DHRSX: variants seen among roughly 807,000 people sequenced by gnomAD.
DHRSX encodes the protein dehydrogenase/reductase X-linked, also known as polyprenol dehydrogenase.
A neutral mutation model predicts 34.0 loss-of-function variants in DHRSX; 31 were observed. The observed-to-expected ratio is 0.91, with a 90% CI of 0.69 to 1.23. The LOEUF (loss-of-function observed/expected upper bound fraction) is 1.23, where lower values mean the gene tolerates loss of function less well. Ranked by LOEUF, DHRSX falls within the 50% of genes most tolerant of loss-of-function variation. DHRSX has a pLI of 0.00. For missense variants in DHRSX, 414 were observed against 428.1 expected (o/e 0.97, Z 0.29); for synonymous variants, 201 against 183.8 (o/e 1.09, Z -0.76).
In DHRSX at chrX:2,492,764, C is replaced by T. The variant is rs769024812; in HGVS notation, c.109+8053G>A. 4.6e-5 allele frequency among the ~76,000 whole-genome samples: 7 copies of T among 152,320 alleles called. 1 individual carries two copies. The South Asian group carries it at 1.5e-3, about 32-fold the overall frequency. ...TGGGAGAGGCAGGAAGCACCCTCCG[C>T]GTAAGCCTCCGGAGGGAGCGCAGCC... On this transcript the variant is annotated intron_variant, in intron 1 of 6. Transcript: ENST00000334651.
In DHRSX at chrX:2,243,153, A is replaced by C; in HGVS notation, c.674T>G (p.Leu225Arg). Residue 225 changes from leucine (L) to arginine (R), a missense_variant, in exon 6 of 7, where the codon CTG (leucine) becomes CGG (arginine). Coordinates refer to ENST00000334651, the MANE Select transcript of DHRSX (RefSeq NM_145177.3). ...LVLFTYHLQR[L>R]LAAEGSHVTA... ...CACGTGGCTTCCCTCAGCCGCCAGC[A>C]GCCGCTGGAGGTGGTAGGTGAACAG... The C allele has an allele frequency of 6.2e-7, 1 of 1,613,914 alleles. No individual in the cohort carries two copies. Among genetic ancestry groups the C allele is most frequent in the Non-Finnish European group, 8.5e-7 (1 of 1,179,864 alleles).
intron 3 of DHRSX, among the ~76,000 whole-genome samples, chrX:2,292,032 G>A (rs747368742): frequency 1.3e-5 from 2 of 151,016 alleles, no homozygotes; most frequent in African/African-American, 4.9e-5. Flanking sequence ...GAGCCACCAC[G>A]CCTGTCCAGG....
At chrX:2,449,007 G>A (rs1365162319) in intron 1 of DHRSX, among the ~76,000 whole-genome samples, 1 of 152,088 alleles carries the variant, frequency 6.6e-6, no homozygotes, top group Non-Finnish European at 1.5e-5. Flanking sequence ...TGACCAATAT[G>A]CTGAAACCCC....
intron 3 of DHRSX, among the ~76,000 whole-genome samples, chrX:2,292,694 G>A: frequency 6.6e-6 from 1 of 151,162 alleles, no homozygotes. Context: ...TTTGTTACAG[G>A]GCATATGTAA....
At chrX:2,360,420 T>A (rs2042916482) in intron 3 of DHRSX, among the ~76,000 whole-genome samples, 1 of 151,966 alleles carries the variant, frequency 6.6e-6, no homozygotes, top group Admixed American at 6.6e-5. Context: ...CTGTCTCTAC[T>A]AAAAATACAA....
intron 1 of DHRSX, among the ~76,000 whole-genome samples, chrX:2,447,320 G>T (rs2044151669): frequency 6.6e-6 from 1 of 152,064 alleles, no homozygotes. Context: ...TAAGAATGTG[G>T]CTAAGGGACT....
At chrX:2,478,276 C>T (rs1169987923) in intron 1 of DHRSX, among the ~76,000 whole-genome samples, 6 of 151,996 alleles carry the variant, frequency 3.9e-5, no homozygotes, top group African/African-American at 9.7e-5. Context: ...CTGGGATGGG[C>T]GGTGACAGAG....
intron 3 of DHRSX, among the ~76,000 whole-genome samples, chrX:2,311,093 G>C (rs2042159680): frequency 6.6e-6 from 1 of 150,838 alleles, no homozygotes; most frequent in African/African-American, 2.4e-5. Context: ...CAGAAGGAGA[G>C]AGACACAGAA....
intron 3 of DHRSX, among the ~76,000 whole-genome samples, chrX:2,339,113 C>G (rs1037863496): frequency 3.3e-5 from 5 of 151,836 alleles, no homozygotes; most frequent in Admixed American, 2.6e-4. Flanking sequence ...GGGTTACAGG[C>G]AGTATCTGGT....
At chrX:2,314,488 A>C in intron 3 of DHRSX, among the ~76,000 whole-genome samples, 1 of 42,376 alleles carries the variant, frequency 2.4e-5, no homozygotes, top group East Asian at 4.2e-4. Flanking sequence ...GAAGGAAGGA[A>C]GGGAGGTAAA....
At chrX:2,236,374 C>G (rs1007008594) in intron 6 of DHRSX, among the ~76,000 whole-genome samples, 1 of 152,124 alleles carries the variant, frequency 6.6e-6, no homozygotes, top group Non-Finnish European at 1.5e-5. Context: ...GGGCTGAGGC[C>G]TGCACATTGC....
intron 4 of DHRSX, among the ~76,000 whole-genome samples, chrX:2,271,190 C>A (rs1299544437): frequency 1.3e-5 from 2 of 152,190 alleles, no homozygotes; most frequent in Non-Finnish European, 2.9e-5. Context: ...AGTCTGCGAA[C>A]CCACCAGAAG....
At chrX:2,295,976 G>A (rs1006678074) in intron 3 of DHRSX, among the ~76,000 whole-genome samples, 3 of 152,044 alleles carry the variant, frequency 2.0e-5, no homozygotes, top group Non-Finnish European at 4.4e-5. Context: ...GGTTCTCGCC[G>A]AGAGATGCTT....
chrX:2,464,413 A>G (rs934729130), intron 1 of DHRSX, among the ~76,000 whole-genome samples: 1 of 78,438 alleles, frequency 1.3e-5, no homozygotes, highest in Non-Finnish European at 2.7e-5. Flanking sequence ...TACCATATAC[A>G]CACTGAAGAT....
chrX:2,286,184 CTTCTT>C (rs1259505799), intron 4 of DHRSX, among the ~76,000 whole-genome samples: 1 of 152,148 alleles, frequency 6.6e-6, no homozygotes, highest in Admixed American at 6.5e-5. Context: ...AAATACTTTG[CTTCTT>C]CCCTAAATCC....
intron 1 of DHRSX, among the ~76,000 whole-genome samples, chrX:2,436,267 T>C (rs1447572598): frequency 6.6e-6 from 1 of 151,792 alleles, no homozygotes; most frequent in Non-Finnish European, 1.5e-5. Flanking sequence ...ATGTGTTTTA[T>C]GATTCCCGTT....
At chrX:2,235,140 A>G (rs936656272) in intron 6 of DHRSX, among the ~76,000 whole-genome samples, 2 of 152,208 alleles carry the variant, frequency 1.3e-5, no homozygotes, top group African/African-American at 4.8e-5. Flanking sequence ...CTTCAGTTTG[A>G]AAAGCAGGCC....
At chrX:2,332,360 G>A (rs182934187) in intron 3 of DHRSX, among the ~76,000 whole-genome samples, 1,911 of 152,220 alleles carry the variant, frequency 0.013, 56 homozygotes, top group African/African-American at 0.043. Context: ...GGAAGGGATG[G>A]TCAGAAGCTA....
At chrX:2,386,462 G>C (rs2043273680) in intron 3 of DHRSX, among the ~76,000 whole-genome samples, 1 of 151,862 alleles carries the variant, frequency 6.6e-6, no homozygotes, top group African/African-American at 2.4e-5. Context: ...CAGGTGACCC[G>C]CCCAACTCAG....
Sources: allele counts gnomAD v4.1 joint callset (sites outside exome capture counted in the v4.1 genomes callset), GRCh38; gene constraint gnomAD v4.1.1; transcripts MANE v1.5; gene names NCBI Gene and HGNC (gene_info 2026-07-23, HGNC 2026-07-21).